The following LY86 variants were observed in gnomAD, a reference collection of about 807,000 sequenced individuals.
LY86 encodes MD-1, RP105-associated.
Under a neutral mutation model 17.3 loss-of-function variants are expected in LY86, and 20 were observed. The observed-to-expected ratio is 1.15, with a 90% confidence interval of 0.81 to 1.68. LY86 has a LOEUF of 1.68. Ranked by LOEUF, LY86 falls within the 40% of genes most tolerant of loss-of-function variation. LY86 has a pLI of 0.00. For synonymous variants in LY86, 74 were observed against 70.6 expected, an observed-to-expected ratio of 1.05 and a Z score of -0.24; for missense variants, 200 against 191.9, an observed-to-expected ratio of 1.04 and a Z score of -0.25.
intron 3 of LY86, among the ~76,000 whole-genome samples, chr6:6,634,521 G>A (rs942293245): frequency 6.6e-6 from 1 of 152,252 alleles, no homozygotes; most frequent in African/African-American, 2.4e-5. Flanking sequence ...AATGCTCACT[G>A]ATTTTATACA....
At chr6:6,595,332 GAGAGA>G (rs1760668444) in intron 1 of LY86, among the ~76,000 whole-genome samples, 1 of 145,110 alleles carries the variant, frequency 6.9e-6, no homozygotes, top group Non-Finnish European at 1.5e-5. Context: ...GGAGGAAGAG[GAGAGA>G]AATGAGAAGC....
chr6:6,634,825 G>A (rs551721230), intron 3 of LY86, among the ~76,000 whole-genome samples: 7 of 152,182 alleles, frequency 4.6e-5, no homozygotes, highest in Non-Finnish European at 8.8e-5. Flanking sequence ...ACAGATCTAG[G>A]AAATGAAGGG....
At chr6:6,601,485 G>A (rs1393952157) in intron 1 of LY86, among the ~76,000 whole-genome samples, 1 of 152,224 alleles carries the variant, frequency 6.6e-6, no homozygotes, top group Non-Finnish European at 1.5e-5. Context: ...CACTTTGGGA[G>A]GCCGAGGCAG....
At chr6:6,637,004 G>GT (rs34996349) in intron 3 of LY86, among the ~76,000 whole-genome samples, 64,871 of 109,828 alleles carry the variant, frequency 0.59, 19,910 homozygotes, top group Non-Finnish European at 0.63. Context: ...AAGCATATTG[G>GT]TTTTTTTTTT....
At chr6:6,615,740 G>A (rs1322440672) in intron 1 of LY86, among the ~76,000 whole-genome samples, 8 of 99,972 alleles carry the variant, frequency 8.0e-5, no homozygotes, top group Non-Finnish European at 1.2e-4. Context: ...AAAAAAAAAA[G>A]CTGGGCACAG....
Position 6,591,728 on chromosome 6 carries a change from T to C in LY86, c.136+2858T>C, listed in dbSNP as rs190278441. ...AGGTAAGACATTGAGGAACTATTGATGGAATTAAAACAAATTGATCCCCAG... is the reference window on the plus strand; with the variant it reads ...AGGTAAGACATTGAGGAACTATTGACGGAATTAAAACAAATTGATCCCCAG... On this transcript the variant is annotated intron_variant, in intron 1 of 4. Transcript: ENST00000230568. 2.6e-5 allele frequency among the ~76,000 whole-genome samples: 4 copies of C among 152,238 alleles called. No individual in the cohort carries two copies. In the East Asian group the frequency reaches 7.7e-4, roughly 29 times the overall value.
chr6:6,588,932 C>A, intron 1 of LY86, 62 bp downstream of exon 1: 1 of 1,563,378 alleles, frequency 6.4e-7, no homozygotes, highest in Non-Finnish European at 8.7e-7. Flanking sequence ...AGATGTGAGC[C>A]GCTAGTGCTC....
intron 1 of LY86, among the ~76,000 whole-genome samples, chr6:6,601,183 G>A (rs897016224): frequency 3.3e-5 from 5 of 152,144 alleles, no homozygotes; most frequent in Non-Finnish European, 7.4e-5. Context: ...AATACTACCT[G>A]ATCTCAGGAT....
At chr6:6,590,055 T>C (rs992215353) in intron 1 of LY86, among the ~76,000 whole-genome samples, 1 of 144,572 alleles carries the variant, frequency 6.9e-6, no homozygotes, top group African/African-American at 2.6e-5. Flanking sequence ...GAGGTGGAGG[T>C]TGCAGTGAGC....
intron 3 of LY86, among the ~76,000 whole-genome samples, chr6:6,643,173 T>G (rs989211202): frequency 6.6e-6 from 1 of 152,182 alleles, no homozygotes; most frequent in Non-Finnish European, 1.5e-5. Flanking sequence ...TTTTGAGGAA[T>G]CTCCACACTG....
intron 4 of LY86, among the ~76,000 whole-genome samples, chr6:6,650,361 G>A (rs73369103): frequency 0.013 from 1,929 of 145,542 alleles, 23 homozygotes; most frequent in African/African-American, 0.029. Context: ...TTTTGAGAGA[G>A]TCTTGTTCTG....
intron 1 of LY86, among the ~76,000 whole-genome samples, chr6:6,595,353 AGGAGAAGG>A (rs747907718): frequency 3.0e-4 from 32 of 105,746 alleles, no homozygotes; most frequent in Non-Finnish European, 6.2e-4. Flanking sequence ...GAAGCAGGAG[AGGAGAAGG>A]GGAGAAGAAA....
chr6:6,649,497 TTCTA>T, intron 3 of LY86, 124 bp from the exon 4 acceptor site: 1 of 597,454 alleles, frequency 1.7e-6, no homozygotes, highest in Non-Finnish European at 2.9e-6. Context: ...ATGAAAACAT[TTCTA>T]GCAATAGCTG....
chr6:6,616,582 C>G (rs1278847893), intron 1 of LY86, among the ~76,000 whole-genome samples: 2 of 152,228 alleles, frequency 1.3e-5, no homozygotes, highest in African/African-American at 4.8e-5. Flanking sequence ...TGGTTCAAAT[C>G]CAGCACCATC....
chr6:6,602,461 A>G (rs1176869256), intron 1 of LY86, among the ~76,000 whole-genome samples: 2 of 152,270 alleles, frequency 1.3e-5, no homozygotes, highest in East Asian at 3.8e-4. Context: ...TACAGTATAC[A>G]TAGTCCATAC....
intron 1 of LY86, among the ~76,000 whole-genome samples, chr6:6,612,937 G>C (rs1453574708): frequency 6.6e-6 from 1 of 151,472 alleles, no homozygotes; most frequent in Non-Finnish European, 1.5e-5. Context: ...AGTGCCAATT[G>C]GTGCATTCAC....
intron 1 of LY86, among the ~76,000 whole-genome samples, chr6:6,613,338 G>A (rs116491519): frequency 0.019 from 2,878 of 152,288 alleles, 88 homozygotes; most frequent in African/African-American, 0.064. Context: ...GGCGCTGCTC[G>A]TCGGGGAGGC....
chr6:6,617,290 C>T (rs140921620), intron 1 of LY86, among the ~76,000 whole-genome samples: 178 of 152,158 alleles, frequency 1.2e-3, no homozygotes, highest in Middle Eastern at 3.4e-3. Flanking sequence ...CAGTGTCCAG[C>T]GCATATTAGA....
rs72821159 is a variant in LY86 at position 6,605,908 on chromosome 6, C to T, written c.136+17038C>T. ...GGTGGGTTCTTAGTCTCGCTGGCTTCAGGAATGAAGCTGCAGACCTTCACA... is the reference window on the plus strand; with the variant it reads ...GGTGGGTTCTTAGTCTCGCTGGCTTTAGGAATGAAGCTGCAGACCTTCACA... On this transcript the variant is annotated intron_variant, in intron 1 of 4. Coordinates refer to ENST00000230568, the MANE Select transcript of LY86 (RefSeq NM_004271.4). 3.9e-3 allele frequency among the ~76,000 whole-genome samples: 596 copies of T among 152,170 alleles called. 1 individual carries two copies. Among genetic ancestry groups the T allele is most frequent in the Middle Eastern group, 0.02 (6 of 294 alleles).
Sources: allele counts gnomAD v4.1 joint callset (sites outside exome capture counted in the v4.1 genomes callset), GRCh38; gene constraint gnomAD v4.1.1; transcripts MANE v1.5; gene names NCBI Gene and HGNC (gene_info 2026-07-23, HGNC 2026-07-21).